NEGR1: variants seen among roughly 807,000 people sequenced by gnomAD.
NEGR1 encodes neuronal growth regulator 1.
NEGR1 carries 10 observed loss-of-function variants against 40.9 expected under a neutral mutation model. That is an observed-to-expected ratio of 0.24 (90% CI 0.15 to 0.42). The LOEUF (loss-of-function observed/expected upper bound fraction) is 0.42, where lower values mean the gene tolerates loss of function less well. Among genes scored for constraint, NEGR1 ranks in the 10% least tolerant of loss-of-function variants. The probability of loss-of-function intolerance (pLI) is 1.00; values close to 1 mark genes in which losing one functional copy is unlikely to be tolerated. For missense variants in NEGR1, 352 were observed against 438.9 expected (o/e 0.80, Z 1.77); for synonymous variants, 185 against 166.8 (o/e 1.11, Z -0.84).
At chr1:72,206,161 G>A (rs1410654890) in intron 1 of NEGR1, among the ~76,000 whole-genome samples, 2 of 151,744 alleles carry the variant, frequency 1.3e-5, no homozygotes, top group African/African-American at 4.8e-5. Context: ...AGTACAGATG[G>A]CATGATTAAT....
intron 4 of NEGR1, among the ~76,000 whole-genome samples, chr1:71,615,430 A>C (rs1321974766): frequency 2.0e-5 from 3 of 152,222 alleles, no homozygotes; most frequent in African/African-American, 7.2e-5. Context: ...ATGATAAGGT[A>C]ATATTTGAAC....
intron 1 of NEGR1, among the ~76,000 whole-genome samples, chr1:72,217,151 C>CT (rs991338149): frequency 6.6e-6 from 1 of 151,800 alleles, no homozygotes. Context: ...TGAGAACAAT[C>CT]TTTTTAGGCA....
chr1:71,863,958 T>C (rs769797421), intron 2 of NEGR1, among the ~76,000 whole-genome samples: 8 of 152,180 alleles, frequency 5.3e-5, no homozygotes, highest in Non-Finnish European at 7.4e-5. Flanking sequence ...TATTTTTTCA[T>C]GCTTTATAGA....
At position 72,240,806 on chromosome 1, in the gene NEGR1, C is replaced by T. The variant is rs112946368; in HGVS notation, c.176+41513G>A. Among the ~76,000 whole-genome samples the T allele has an allele frequency of 3.0e-3, 461 of 151,928 alleles. 3 individuals carry two copies. Among genetic ancestry groups the T allele is most frequent in the African/African-American group, 0.011 (442 of 41,508 alleles). ...AGAGTTCTTTTCCAACATGACCATG[C>T]TCCTGATCATTATTCTCATTAAACA... On this transcript the variant is annotated intron_variant, in intron 1 of 6. Transcript: ENST00000357731.
intron 6 of NEGR1, among the ~76,000 whole-genome samples, chr1:71,440,111 T>C (rs1466930905): frequency 6.6e-6 from 1 of 152,186 alleles, no homozygotes; most frequent in Admixed American, 6.5e-5. Context: ...CTACCACAAT[T>C]TGATGTCCTA....
chr1:71,621,863 T>C (rs764246364), intron 4 of NEGR1, among the ~76,000 whole-genome samples: 1 of 151,892 alleles, frequency 6.6e-6, no homozygotes, highest in Non-Finnish European at 1.5e-5. Context: ...TCTGATACTG[T>C]GTTGATGATG....
chr1:71,771,803 T>C (rs1209279088), intron 3 of NEGR1, among the ~76,000 whole-genome samples: 1 of 150,616 alleles, frequency 6.6e-6, no homozygotes, highest in Non-Finnish European at 1.5e-5. Flanking sequence ...CAGTAGAATG[T>C]CAAGTGCTAA....
At chr1:71,650,407 T>C (rs1423248092) in intron 4 of NEGR1, among the ~76,000 whole-genome samples, 1 of 152,168 alleles carries the variant, frequency 6.6e-6, no homozygotes, top group African/African-American at 2.4e-5. Context: ...AGCTGTTCCA[T>C]GGAAGCTGAA....
At chr1:71,865,688 C>A (rs1425065355) in intron 2 of NEGR1, among the ~76,000 whole-genome samples, 1 of 152,072 alleles carries the variant, frequency 6.6e-6, no homozygotes, top group Non-Finnish European at 1.5e-5. Flanking sequence ...TACCATGGAA[C>A]ATGTATACCT....
rs375111858 is a variant in NEGR1, at chr1:71,731,330, C to T, written c.536-33191G>A. Among the ~76,000 whole-genome samples, 7 of 152,158 alleles carry T rather than the reference C, an allele frequency of 4.6e-5. No individual in the cohort carries two copies. In the East Asian group the frequency reaches 7.7e-4, roughly 17 times the overall value. On this transcript the variant is annotated intron_variant, in intron 3 of 6. Transcript: ENST00000357731. ...GCCCCCTCTACTCAGAGTGGCTCTA[C>T]TGCCAAATGACCATCACTGCATGAT...
intron 2 of NEGR1, among the ~76,000 whole-genome samples, chr1:71,805,262 T>TGGTAAATGGATATCTTGTGA (rs1193263160): frequency 6.6e-6 from 1 of 152,136 alleles, no homozygotes; most frequent in Non-Finnish European, 1.5e-5. Context: ...CTGCCTCCAT[T>TGGTAAATGGATATCTTGTGA]TACCTTGTGA....
At chr1:71,614,499 C>T (rs945182420) in intron 4 of NEGR1, among the ~76,000 whole-genome samples, 40 of 152,258 alleles carry the variant, frequency 2.6e-4, no homozygotes, top group African/African-American at 9.1e-4. Flanking sequence ...TATTATGACA[C>T]TGCTCATGAC....
At chr1:71,752,965 A>T (rs994783696) in intron 3 of NEGR1, among the ~76,000 whole-genome samples, 7 of 152,164 alleles carry the variant, frequency 4.6e-5, no homozygotes, top group African/African-American at 1.7e-4. Flanking sequence ...TAGCAAGTCC[A>T]TGTAGCTAGT....
At chr1:71,665,644 T>G (rs529433917) in intron 4 of NEGR1, among the ~76,000 whole-genome samples, 2 of 152,200 alleles carry the variant, frequency 1.3e-5, no homozygotes, top group Admixed American at 6.5e-5. Context: ...AGCTCCATCA[T>G]TCTTCACTAA....
intron 1 of NEGR1, among the ~76,000 whole-genome samples, chr1:71,988,851 A>G (rs1489034058): frequency 1.4e-5 from 2 of 142,250 alleles, no homozygotes; most frequent in African/African-American, 2.6e-5. Flanking sequence ...AACATCCATT[A>G]TTTGGAATGC....
intron 1 of NEGR1, among the ~76,000 whole-genome samples, chr1:72,064,496 A>C (rs11209902): frequency 6.6e-6 from 1 of 152,068 alleles, no homozygotes; most frequent in Admixed American, 6.6e-5. Flanking sequence ...GCTGGGATCA[A>C]ATCAGAACAC....
At position 71,679,186 on chromosome 1, in the gene NEGR1, A is replaced by G. The variant is rs76491877; in HGVS notation, c.667+18822T>C. On this transcript the variant is annotated intron_variant, in intron 4 of 6. Coordinates refer to ENST00000357731, the MANE Select transcript of NEGR1 (RefSeq NM_173808.3). ...TAATTACAATGATGTTATCCTGTCTATCCATGCTTCTTTAGGAATGGATGG... is the reference window on the plus strand; with the variant it reads ...TAATTACAATGATGTTATCCTGTCTGTCCATGCTTCTTTAGGAATGGATGG... Among the ~76,000 whole-genome samples the G allele has an allele frequency of 3.7e-3, 569 of 152,130 alleles. 28 individuals are homozygous for G. The East Asian group carries it at 0.095, about 26-fold the overall frequency.
In NEGR1 at chr1:71,867,833, G is replaced by T. The variant is rs544644736; in HGVS notation, c.409+67246C>A. Among the ~76,000 whole-genome samples, 94 of 152,224 alleles carry T rather than the reference G, an allele frequency of 6.2e-4. 1 individual carries two copies. In the South Asian group the frequency reaches 0.019, roughly 31 times the overall value. The stretch of plus-strand genomic sequence containing the variant: ...TTCATAATGTCATTTTCTATAGAAA[G>T]AATATAAAGATTATGTTCCCTTTTC... On this transcript the variant is annotated intron_variant, in intron 2 of 6. Transcript: ENST00000357731.
At chr1:71,692,117 T>C (rs1216246109) in intron 4 of NEGR1, among the ~76,000 whole-genome samples, 1 of 151,740 alleles carries the variant, frequency 6.6e-6, no homozygotes, top group Non-Finnish European at 1.5e-5. Context: ...GCCCAGGCTG[T>C]AGCACCTTGA....
Sources: allele counts gnomAD v4.1 joint callset (sites outside exome capture counted in the v4.1 genomes callset), GRCh38; gene constraint gnomAD v4.1.1; transcripts MANE v1.5; gene names NCBI Gene and HGNC (gene_info 2026-07-23, HGNC 2026-07-21).